The following SHROOM3 variants were observed in gnomAD, a reference collection of about 807,000 sequenced individuals.
SHROOM3 encodes the protein shroom family member 3.
A neutral mutation model predicts 138.6 loss-of-function variants in SHROOM3; 47 were observed. The observed-to-expected ratio is 0.34, with a 90% CI of 0.27 to 0.43. The LOEUF (loss-of-function observed/expected upper bound fraction) is 0.43. Ranked by LOEUF, SHROOM3 falls within the 20% of genes least tolerant of loss-of-function variation. The pLI is 1.00. For missense variants in SHROOM3, 2,491 were observed against 2,596.5 expected (o/e 0.96, Z 0.88); for synonymous variants, 1,062 against 1,063.3 (o/e 1.00, Z 0.02).
At chr4:76,557,031 G>T (rs954749927) in intron 2 of SHROOM3, among the ~76,000 whole-genome samples, 2 of 152,114 alleles carry the variant, frequency 1.3e-5, no homozygotes, top group Non-Finnish European at 2.9e-5. Flanking sequence ...ACAGACCCGG[G>T]TTCAAATTCC....
chr4:76,521,722 T>G (rs1732570181), intron 1 of SHROOM3, among the ~76,000 whole-genome samples: 1 of 152,222 alleles, frequency 6.6e-6, no homozygotes, highest in African/African-American at 2.4e-5. Flanking sequence ...ATTTACAGAC[T>G]TGTGGGTTTC....
At chr4:76,561,556 T>C (rs765571823) in intron 2 of SHROOM3, among the ~76,000 whole-genome samples, 6 of 152,010 alleles carry the variant, frequency 3.9e-5, no homozygotes, top group Admixed American at 1.3e-4. Flanking sequence ...GGCCACATAC[T>C]AGTGGCCAAA....
At chr4:76,661,292 G>A (rs1298125584) in intron 2 of SHROOM3, among the ~76,000 whole-genome samples, 1 of 151,110 alleles carries the variant, frequency 6.6e-6, no homozygotes, top group African/African-American at 2.4e-5. Flanking sequence ...GTGCAATGGC[G>A]CGATCTCGGC....
chr4:76,463,236 C>T (rs370074389), intron 1 of SHROOM3, among the ~76,000 whole-genome samples: 1 of 152,174 alleles, frequency 6.6e-6, no homozygotes, highest in East Asian at 1.9e-4. Context: ...TCTTGTGATG[C>T]TTTAGCAAAG....
At chr4:76,482,000 T>C (rs773412923) in intron 1 of SHROOM3, among the ~76,000 whole-genome samples, 1 of 152,168 alleles carries the variant, frequency 6.6e-6, no homozygotes, top group Non-Finnish European at 1.5e-5. Context: ...TGATGGAACA[T>C]AGCTCAAAAT....
chr4:76,526,680 T>C (rs981891358), intron 1 of SHROOM3, among the ~76,000 whole-genome samples: 1 of 152,186 alleles, frequency 6.6e-6, no homozygotes, highest in African/African-American at 2.4e-5. Context: ...ACTGCCACAT[T>C]GTCAAGTAAA....
intron 2 of SHROOM3, among the ~76,000 whole-genome samples, chr4:76,580,617 G>C (rs981642541): frequency 1.3e-5 from 2 of 152,070 alleles, no homozygotes; most frequent in Non-Finnish European, 2.9e-5. Context: ...GTAGAGACGG[G>C]GTTTCTCCAT....
chr4:76,567,437 T>C (rs1266979064), intron 2 of SHROOM3, among the ~76,000 whole-genome samples: 2 of 152,072 alleles, frequency 1.3e-5, no homozygotes, highest in Admixed American at 1.3e-4. Context: ...AATCATGAGG[T>C]CAGGAGATCA....
Position 76,656,313 on chromosome 4 carries a change from T to A in SHROOM3, c.324-53843T>A, listed in dbSNP as rs187427234. Among the ~76,000 whole-genome samples, 4 of 152,318 alleles carry A rather than the reference T, an allele frequency of 2.6e-5. No homozygotes were observed. The East Asian group carries it at 7.7e-4, about 29-fold the overall frequency. On this transcript the variant is annotated intron_variant, in intron 2 of 10. Transcript: ENST00000296043. ...TTACTGCTGGGCAGTAGGTTATTAA[T>A]AGTAACAGTTCACACCCAGTCCAAT...
rs555735720 is a variant in SHROOM3 at position 76,596,909 on chromosome 4, A to C, written c.323+41146A>C. Among the ~76,000 whole-genome samples the C allele has an allele frequency of 1.3e-3, 200 of 152,270 alleles. 1 individual carries two copies. The highest frequency in any genetic ancestry group is 4.7e-3 in the African/African-American group (195 of 41,558). On this transcript the variant is annotated intron_variant, in intron 2 of 10. Transcript: ENST00000296043. The stretch of plus-strand genomic sequence containing the variant: ...ATGTGCCCCACAGCTCTAGAGCCTT[A>C]TCACCTGACACTCTCAGCCTTGCCC...
In SHROOM3 at chr4:76,739,029, A is replaced by G. The variant is rs1364692499; in HGVS notation, c.856A>G (p.Met286Val). 1.7e-5 allele frequency: 27 copies of G among 1,614,112 alleles called. No individual in the cohort carries two copies. Among genetic ancestry groups the G allele is most frequent in the East Asian group, 8.9e-5 (4 of 44,884 alleles). The part of the protein sequence containing the change: ...GISGRERSGS[M>V]DNTSARGGLL... ...CTCTGGCCGGGAGCGTTCAGGCTCC[A>G]TGGACAATACTTCTGCTCGAGGTGG... The change falls in exon 5 of 11, where the codon ATG becomes GTG. Residue 286 changes from methionine (M) to valine (V), a missense_variant. Met to Val is a conservative substitution (Grantham distance 21, BLOSUM62 1). Transcript: ENST00000296043.
intron 2 of SHROOM3, among the ~76,000 whole-genome samples, chr4:76,703,949 G>C (rs192016391): frequency 6.6e-6 from 1 of 152,174 alleles, no homozygotes; most frequent in Non-Finnish European, 1.5e-5. Context: ...TGTCGAAGGG[G>C]CTCTGCCACA....
At chr4:76,657,532 A>G (rs772978668) in intron 2 of SHROOM3, among the ~76,000 whole-genome samples, 6 of 152,188 alleles carry the variant, frequency 3.9e-5, no homozygotes, top group Admixed American at 6.5e-5. Flanking sequence ...TAACATTTTT[A>G]AATGGAATAT....
At chr4:76,744,456 C>G (rs2110137142) in intron 5 of SHROOM3, among the ~76,000 whole-genome samples, 1 of 152,336 alleles carries the variant, frequency 6.6e-6, no homozygotes, top group South Asian at 2.1e-4. Context: ...CCTTAGCTGA[C>G]TGGAGAAGCA....
chr4:76,741,066 C>A lies in SHROOM3; in HGVS notation c.2893C>A (p.His965Asn), dbSNP rs776951902. Reference protein sequence around the residue: ...RSWRPRPSSAHVGLRSPEASA... With the variant: ...RSWRPRPSSANVGLRSPEASA... The stretch of plus-strand genomic sequence containing the variant: ...CTGGCGGCCACGGCCTTCCTCGGCC[C>A]ACGTGGGGCTGCGGAGCCCCGAGGC... The change falls in exon 5 of 11, where the codon CAC becomes AAC. Residue 965 changes from histidine to asparagine, a missense_variant. By Grantham distance (68) the His-to-Asn change is moderately conservative (BLOSUM62 1). Transcript: ENST00000296043. The surrounding 1 kb of genome is among the most constrained non-coding windows in gnomAD (Gnocchi z 6.2). The A allele has an allele frequency of 6.6e-7, 1 of 1,521,312 alleles. No homozygotes were observed. Among genetic ancestry groups the A allele is most frequent in the Non-Finnish European group, 8.8e-7 (1 of 1,137,014 alleles). The allele number at this position is 1,521,312 out of a possible 1,614,324, so 94.2% of individuals were successfully genotyped here. A position where few individuals can be genotyped will look rare whatever the true frequency, so the allele number is the denominator to read the frequency against.
intron 2 of SHROOM3, among the ~76,000 whole-genome samples, chr4:76,676,430 T>C (rs1719028598): frequency 6.6e-6 from 1 of 152,130 alleles, no homozygotes; most frequent in East Asian, 1.9e-4. Flanking sequence ...TTTGTTTTAA[T>C]GGTATCAATA....
chr4:76,476,546 C>G (rs1030610466), intron 1 of SHROOM3, among the ~76,000 whole-genome samples: 7 of 152,160 alleles, frequency 4.6e-5, no homozygotes, highest in African/African-American at 1.4e-4. Context: ...TTTTCTGTCC[C>G]TTGGTTAAAG....
chr4:76,737,276 T>TTAAG (rs915605966), intron 4 of SHROOM3, among the ~76,000 whole-genome samples: 5 of 152,092 alleles, frequency 3.3e-5, no homozygotes, highest in African/African-American at 7.2e-5. Context: ...TTTTTTTTTT[T>TTAAG]TAAGTAATGA....
intron 2 of SHROOM3, among the ~76,000 whole-genome samples, chr4:76,657,607 A>G (rs923032539): frequency 6.6e-6 from 1 of 152,182 alleles, no homozygotes; most frequent in African/African-American, 2.4e-5. Flanking sequence ...AATGTTCCCA[A>G]ATAGTGAGGG....
Sources: gnomAD v4.1 joint callset for allele counts (sites outside exome capture counted in the v4.1 genomes callset) on GRCh38, gnomAD v4.1.1 for gene constraint, Gnocchi (gnomAD v3.1) non-coding constraint, MANE v1.5 for transcripts, NCBI Gene and HGNC (gene_info 2026-07-23, HGNC 2026-07-21) for gene names.